The following ZNF608 variants were observed in gnomAD, a reference collection of about 807,000 sequenced individuals.
The protein encoded by ZNF608 is renal carcinoma antigen NY-REN-36.
Under a neutral mutation model 109.0 loss-of-function variants are expected in ZNF608, and 12 were observed. That is an observed-to-expected ratio of 0.11 (90% confidence interval 0.07 to 0.18). The LOEUF (loss-of-function observed/expected upper bound fraction) is 0.18. Ranked by LOEUF, ZNF608 falls within the 10% of genes least tolerant of loss-of-function variation. The pLI is 1.00. For synonymous variants in ZNF608, 732 were observed against 717.4 expected (o/e 1.02, Z -0.33); for missense variants, 1,707 against 1,879.3 (o/e 0.91, Z 1.70).
At chr5:124,732,780 A>G (rs953941231) in intron 2 of ZNF608, among the ~76,000 whole-genome samples, 6 of 152,154 alleles carry the variant, frequency 3.9e-5, no homozygotes, top group African/African-American at 1.4e-4. Flanking sequence ...TCTTTCCCAC[A>G]CACCTTTCTT....
chr5:124,734,302 T>C (rs976685320), intron 2 of ZNF608, among the ~76,000 whole-genome samples: 3 of 152,184 alleles, frequency 2.0e-5, no homozygotes, highest in African/African-American at 4.8e-5. Context: ...AAGCAGTCTT[T>C]AAGGCAAGTA....
intron 2 of ZNF608, among the ~76,000 whole-genome samples, chr5:124,720,849 G>A (rs57123579): frequency 0.1 from 4,601 of 44,334 alleles, 171 homozygotes; most frequent in African/African-American, 0.25. Context: ...CCCCCACCCC[G>A]CAAATTAAAT....
chr5:124,739,392 A>G (rs1048957491), intron 2 of ZNF608, among the ~76,000 whole-genome samples: 1 of 152,252 alleles, frequency 6.6e-6, no homozygotes, highest in Non-Finnish European at 1.5e-5. Flanking sequence ...GTCTATGTAT[A>G]GTAAACACCA....
Position 124,744,293 on chromosome 5 carries a change from C to A in ZNF608, c.697G>T (p.Gly233Trp). The A allele has an allele frequency of 6.2e-7, 1 of 1,613,998 alleles. No individual in the cohort carries two copies. The highest frequency in any genetic ancestry group is 8.5e-7 in the Non-Finnish European group (1 of 1,179,996). The change falls in exon 2 of 10, where the codon GGG becomes TGG. Residue 233 changes from glycine to tryptophan, a missense_variant. By Grantham distance (184) the Gly-to-Trp change is radical. Transcript: ENST00000513986. The surrounding 1 kb of genome is among the most constrained non-coding windows in gnomAD (Gnocchi z 4.5). ...TTGGCCCCAAAGCCATAGAGGTGCC[C>A]CCCGGAAGGGGCCTGGCTGCCACTG... is the stretch of plus-strand genomic sequence containing the variant. ...NGSGSQAPSGGHLYGFGAKSN... is the reference protein window; with the variant it reads ...NGSGSQAPSGWHLYGFGAKSN...
intron 2 of ZNF608, among the ~76,000 whole-genome samples, chr5:124,727,672 C>CACACACATCAG (rs1748673101): frequency 7.3e-6 from 1 of 136,226 alleles, no homozygotes; most frequent in Admixed American, 7.4e-5. Context: ...AAAAAAAAAC[C>CACACACATCAG]ACACACATCA....
chr5:124,741,394 GAAAAAAAA>G (rs34192958), intron 2 of ZNF608, among the ~76,000 whole-genome samples: 4 of 68,420 alleles, frequency 5.8e-5, no homozygotes, highest in Admixed American at 3.9e-4. Context: ...CTTCCAACCA[GAAAAAAAA>G]AAAAAAAAAA....
At chr5:124,641,537 G>T in intron 7 of ZNF608, 132 bp from the exon 8 acceptor site, 1 of 1,037,722 alleles carries the variant, frequency 9.6e-7, no homozygotes, top group Non-Finnish European at 1.3e-6. Flanking sequence ...CAATTCTTTA[G>T]TAACTAAAGA....
chr5:124,641,196 GCAACTGTTTTC>G, intron 8 of ZNF608, 45 bp downstream of exon 8: 2 of 1,606,808 alleles, frequency 1.2e-6, no homozygotes, highest in Non-Finnish European at 1.7e-6. Flanking sequence ...TGCAATTTTA[GCAACTGTTTTC>G]CAAAGCAGAA....
At chr5:124,651,744 C>T (rs553290933) in intron 3 of ZNF608, among the ~76,000 whole-genome samples, 6 of 152,358 alleles carry the variant, frequency 3.9e-5, no homozygotes, top group African/African-American at 1.2e-4. Context: ...TTGGCCGGCG[C>T]CCGCTGCGAG....
At chr5:124,691,279 A>T (rs1251866146) in intron 3 of ZNF608, among the ~76,000 whole-genome samples, 5 of 152,058 alleles carry the variant, frequency 3.3e-5, no homozygotes, top group African/African-American at 1.2e-4. Context: ...AACAAAACAA[A>T]AAAAAAAGGT....
rs777486032 is a variant in ZNF608, at chr5:124,643,622, C to T, written c.4185G>A (p.Glu1395=). 1 of 1,614,190 alleles carries T rather than the reference C, an allele frequency of 6.2e-7. No individual in the cohort carries two copies. Among genetic ancestry groups the T allele is most frequent in the Non-Finnish European group, 8.5e-7 (1 of 1,180,042 alleles). The change falls in exon 7 of 10, where the codon GAG becomes GAA. Residue 1395 remains glutamate (E), a synonymous_variant. Coordinates refer to ENST00000513986, the MANE Select transcript of ZNF608 (RefSeq NM_020747.3). ...TAGGGCTGGTATTGACTTTCTCTGT[C>T]TCTTCTCTCCCTGACATCTTCCCAT... ...PVYGKMSGRE[E]TEKVNTSPSV...
chr5:124,661,540 C>A (rs1751259608), intron 3 of ZNF608, among the ~76,000 whole-genome samples: 1 of 151,268 alleles, frequency 6.6e-6, no homozygotes, highest in Admixed American at 6.6e-5. Flanking sequence ...GCTTAGAGAC[C>A]AGCTCTTTTC....
intron 3 of ZNF608, among the ~76,000 whole-genome samples, chr5:124,671,950 T>G (rs1269546841): frequency 6.6e-6 from 1 of 152,208 alleles, no homozygotes; most frequent in Non-Finnish European, 1.5e-5. Context: ...CTTGGGCTTC[T>G]TTATCATCAA....
rs1580507921 is a variant in ZNF608 at position 124,637,718 on chromosome 5, A to T, written c.*182T>A. On this transcript the variant is annotated 3_prime_UTR_variant, in exon 10 of 10. Coordinates refer to ENST00000513986, the MANE Select transcript of ZNF608 (RefSeq NM_020747.3). ...AGATATGTATACGTATATATATATA[A>T]AACAGAAGTTTAATTACAGCAACAT... The T allele has an allele frequency of 4.6e-6, 2 of 431,272 alleles. No individual in the cohort carries two copies. Among genetic ancestry groups the T allele is most frequent in the Non-Finnish European group, 4.2e-6 (1 of 240,646 alleles). The allele number at this position is 431,272 out of a possible 1,614,324, so 26.7% of individuals were successfully genotyped here.
chr5:124,725,072 C>T (rs1175121326), intron 2 of ZNF608, among the ~76,000 whole-genome samples: 1 of 152,064 alleles, frequency 6.6e-6, no homozygotes, highest in Non-Finnish European at 1.5e-5. Context: ...TCAAACACAC[C>T]AAATACACTC....
At chr5:124,731,149 T>A (rs1053204043) in intron 2 of ZNF608, among the ~76,000 whole-genome samples, 5 of 152,228 alleles carry the variant, frequency 3.3e-5, no homozygotes, top group Non-Finnish European at 7.3e-5. Flanking sequence ...GATTTTTTTT[T>A]ATAACTTTAA....
At chr5:124,715,284 G>T (rs1753646716) in intron 2 of ZNF608, among the ~76,000 whole-genome samples, 1 of 152,056 alleles carries the variant, frequency 6.6e-6, no homozygotes, top group African/African-American at 2.4e-5. Flanking sequence ...AAAAAATGAT[G>T]CCACAAAGAA....
At chr5:124,682,383 C>T (rs546162301) in intron 3 of ZNF608, among the ~76,000 whole-genome samples, 1 of 152,116 alleles carries the variant, frequency 6.6e-6, no homozygotes, top group African/African-American at 2.4e-5. Context: ...TACCATGAAT[C>T]CTTTTTTAGG....
intron 3 of ZNF608, among the ~76,000 whole-genome samples, chr5:124,655,197 G>A (rs945261320): frequency 2.0e-5 from 3 of 152,180 alleles, no homozygotes; most frequent in African/African-American, 7.2e-5. Flanking sequence ...CATTCTCTGT[G>A]GAGAGGCTTT....
Sources: gnomAD v4.1 joint callset for allele counts (sites outside exome capture counted in the v4.1 genomes callset) on GRCh38, gnomAD v4.1.1 for gene constraint, Gnocchi (gnomAD v3.1) non-coding constraint, MANE v1.5 for transcripts, NCBI Gene and HGNC (gene_info 2026-07-23, HGNC 2026-07-21) for gene names.